Variants in KRR1 observed in about 807,000 individuals in gnomAD.
KRR1 encodes KRR1 small subunit processome component, also known as KRR1 small subunit processome component homolog.
Under a neutral mutation model 50.0 loss-of-function variants are expected in KRR1, and 23 were observed. The observed-to-expected ratio is 0.46, with a 90% CI of 0.33 to 0.65. KRR1 has a LOEUF of 0.65. Ranked by LOEUF, KRR1 falls within the 30% of genes least tolerant of loss-of-function variation. The pLI, the probability that KRR1 is intolerant of heterozygous loss-of-function variation, is 0.02. For missense variants in KRR1, 419 were observed against 442.4 expected, an observed-to-expected ratio of 0.95 and a Z score of 0.47; for synonymous variants, 133 against 146.3, an observed-to-expected ratio of 0.91 and a Z score of 0.66.
Position 75,494,064 on chromosome 12 carries a change from T to C in KRR1, c.*5745A>G, listed in dbSNP as rs1350432800. ...GAAATTGCTATCAGAATTTCTACTA[T>C]ATTACCTTTTTTCCATGGTGTAGAG... On this transcript the variant is annotated 3_prime_UTR_variant, in exon 10 of 10. Transcript: ENST00000229214. 6.6e-5 allele frequency: 10 copies of C among 152,226 alleles called. No individual in the cohort carries two copies. The highest frequency in any genetic ancestry group is 5.9e-4 in the Admixed American group (9 of 15,284). 9.4% of individuals were successfully genotyped at this position (152,226 alleles called of 1,614,324 possible). A position where few individuals can be genotyped will look rare whatever the true frequency, so the allele number is the denominator to read the frequency against.
At position 75,498,946 on chromosome 12, in the gene KRR1, C is replaced by T; in HGVS notation, c.*863G>A. 1 of 1,603,222 alleles carries T rather than the reference C, an allele frequency of 6.2e-7. No homozygotes were observed. The highest frequency in any genetic ancestry group is 8.5e-7 in the Non-Finnish European group (1 of 1,175,032). On this transcript the variant is annotated 3_prime_UTR_variant, in exon 10 of 10. Coordinates refer to ENST00000229214, the MANE Select transcript of KRR1 (RefSeq NM_007043.7). ...TGTTATAATTACCATTTTGGTACAG[C>T]ACAAGTACCCTAATTTAGTTCTTTT...
chr12:75,500,094 G>GTATAAAATAT lies in KRR1; in HGVS notation c.1004-153_1004-144dup, dbSNP rs1202032187. 7.2e-5 allele frequency: 41 copies of GTATAAAATAT among 566,838 alleles called. No individual in the cohort carries two copies. In the Middle Eastern group the frequency reaches 1.9e-3, roughly 27 times the overall value. The allele number at this position is 566,838 out of a possible 1,614,324, so 35.1% of individuals were successfully genotyped here. On this transcript the variant is annotated intron_variant, in intron 9 of 9. Transcript: ENST00000229214. Reference sequence around the variant, plus strand: ...ATTGAATAATTGAAAGGTGATCACAGTATAAAATATAAAAACACTTGCCTA... The same window carrying GTATAAAATAT: ...ATTGAATAATTGAAAGGTGATCACAGTATAAAATATTATAAAATATAAAAACACTTGCCTA...
chr12:75,495,714 C>T lies in KRR1; in HGVS notation c.*4095G>A. 2 of 1,027,598 alleles carry T rather than the reference C, an allele frequency of 1.9e-6. No homozygotes were observed. The highest frequency in any genetic ancestry group is 3.0e-6 in the Non-Finnish European group (2 of 663,996). The allele number at this position is 1,027,598 out of a possible 1,614,324, so 63.7% of individuals were successfully genotyped here. A position where few individuals can be genotyped will look rare whatever the true frequency, so the allele number is the denominator to read the frequency against. ...AGAATAACATAATAGTAACATGTAA[C>T]TTTCTACAGAATTAACAATGAAACC... is the stretch of plus-strand genomic sequence containing the variant. On this transcript the variant is annotated 3_prime_UTR_variant, in exon 10 of 10. Coordinates refer to ENST00000229214, the MANE Select transcript of KRR1 (RefSeq NM_007043.7).
intron 1 of KRR1, among the ~76,000 whole-genome samples, chr12:75,510,491 A>G (rs2046442383): frequency 6.6e-6 from 1 of 152,248 alleles, no homozygotes; most frequent in Non-Finnish European, 1.5e-5. Flanking sequence ...CCTGTTTGAA[A>G]AACAAAAAGC....
chr12:75,506,682 C>CG, intron 3 of KRR1, 73 bp from the exon 4 acceptor site: 1 of 1,549,176 alleles, frequency 6.5e-7, no homozygotes, highest in South Asian at 1.3e-5. Flanking sequence ...TCCAGGCCCA[C>CG]GCTATTGTTA....
In KRR1 at chr12:75,506,377, C is replaced by T. The variant is rs761575297; in HGVS notation, c.542G>A (p.Cys181Tyr). 1 of 1,612,082 alleles carries T rather than the reference C, an allele frequency of 6.2e-7. No homozygotes were observed. Among genetic ancestry groups the T allele is most frequent in the Admixed American group, 1.7e-5 (1 of 59,792 alleles). ...TGTGTTTCCCTGAACCATAATGTAACAATTAGTTAAGAGTTCCAATGCCTG... is the reference window on the plus strand; with the variant it reads ...TGTGTTTCCCTGAACCATAATGTAATAATTAGTTAAGAGTTCCAATGCCTG... ...TLKALELLTN[C>Y]YIMVQGNTVS... Residue 181 changes from cysteine (C) to tyrosine (Y), a missense_variant, in exon 5 of 10, where the codon TGT (cysteine) becomes TAT (tyrosine). By Grantham distance (194) the Cys-to-Tyr change is radical (BLOSUM62 -2). Transcript: ENST00000229214.
chr12:75,511,175 C>T (rs1056162418), intron 1 of KRR1, among the ~76,000 whole-genome samples: 2 of 152,200 alleles, frequency 1.3e-5, no homozygotes, highest in Admixed American at 6.5e-5. Context: ...TCACCCTATT[C>T]CTCATTCCGT....
rs2120632694 is a variant in KRR1 at position 75,508,268 on chromosome 12, A to T, written c.258+6T>A. ...AAATAAATGTATTGATATAAGATAC[A>T]CATACATGTTCATTTAAGGCTTTCT... On this transcript the variant is annotated splice_donor_region_variant and intron_variant, in intron 2 of 9. Transcript: ENST00000229214. The T allele has an allele frequency of 1.9e-6, 3 of 1,595,516 alleles. No homozygotes were observed. Among genetic ancestry groups the T allele is most frequent in the Non-Finnish European group, 2.6e-6 (3 of 1,168,890 alleles).
chr12:75,506,750 A>G, intron 3 of KRR1, 32 bp downstream of exon 3: 1 of 1,595,534 alleles, frequency 6.3e-7, no homozygotes, highest in Non-Finnish European at 8.5e-7. Flanking sequence ...ACTGATGCAA[A>G]CAAAGCAAAG....
intron 3 of KRR1, 22 bp from the exon 4 acceptor site, chr12:75,506,631 A>AC (rs562964328): frequency 6.5e-7 from 1 of 1,550,352 alleles, no homozygotes; most frequent in African/African-American, 1.4e-5. Flanking sequence ...AAAAAAAAAA[A>AC]AAGAAGACAT....
chr12:75,496,951 A>G lies in KRR1; in HGVS notation c.*2858T>C, dbSNP rs2120566138. 1 of 152,358 alleles carries G rather than the reference A, an allele frequency of 6.6e-6. No individual in the cohort carries two copies. The highest frequency in any genetic ancestry group is 2.4e-5 in the African/African-American group (1 of 41,582). 9.4% of individuals were successfully genotyped at this position (152,358 alleles called of 1,614,324 possible). ...TTCACTTATATCACTCTTGTGAAGA[A>G]AAGTAACATGTAGCCACAATGCAGA... is the stretch of plus-strand genomic sequence containing the variant. On this transcript the variant is annotated 3_prime_UTR_variant, in exon 10 of 10. Transcript: ENST00000229214.
chr12:75,503,535 C>T (rs916272324), intron 7 of KRR1: 3 of 156,938 alleles, frequency 1.9e-5, no homozygotes, highest in African/African-American at 7.2e-5. Context: ...GTGGGTGTTA[C>T]AATTTACAAT....
rs902033582 is a variant in KRR1 at position 75,493,192 on chromosome 12, G to A, written c.*6617C>T. On this transcript the variant is annotated 3_prime_UTR_variant, in exon 10 of 10. Coordinates refer to ENST00000229214, the MANE Select transcript of KRR1 (RefSeq NM_007043.7). ...TCATTCAAGTATATTAAGCAGGGGA[G>A]CGATGAGACCTTTAAATTTGGACAT... 12 of 152,192 alleles carry A rather than the reference G, an allele frequency of 7.9e-5. No homozygotes were observed. Among genetic ancestry groups the A allele is most frequent in the African/African-American group, 2.4e-4 (10 of 41,442 alleles). 9.4% of individuals were successfully genotyped at this position (152,192 alleles called of 1,614,324 possible).
At chr12:75,507,346 G>C (rs1428597939) in intron 2 of KRR1, among the ~76,000 whole-genome samples, 2 of 152,082 alleles carry the variant, frequency 1.3e-5, no homozygotes, top group Admixed American at 6.6e-5. Flanking sequence ...CTAATTAGGG[G>C]ACTAAATACA....
chr12:75,500,611 TGA>T (rs1041867969), intron 9 of KRR1: 2 of 152,100 alleles, frequency 1.3e-5, no homozygotes, highest in East Asian at 1.9e-4. Context: ...GACAATAATT[TGA>T]GAGTGTGTGG....
At chr12:75,505,321 T>C (rs1327687436) in intron 5 of KRR1, 67 bp from the exon 6 acceptor site, 1 of 1,454,294 alleles carries the variant, frequency 6.9e-7, no homozygotes, top group Non-Finnish European at 9.2e-7. Flanking sequence ...AGAGGATTAA[T>C]ACTGCAAAAA....
In KRR1 at chr12:75,504,136, G is replaced by T. The variant is rs1211677613; in HGVS notation, c.661-62C>A. On this transcript the variant is annotated intron_variant, in intron 6 of 9. Transcript: ENST00000229214. Reference sequence around the variant, plus strand: ...CAAAGTCACACATTTGTCAGACTCAGACATTATAAATATTGCTTCTATAAA... The same window carrying T: ...CAAAGTCACACATTTGTCAGACTCATACATTATAAATATTGCTTCTATAAA... The T allele has an allele frequency of 3.3e-6, 4 of 1,211,196 alleles. No individual in the cohort carries two copies. In the South Asian group the frequency reaches 4.7e-5, roughly 14 times the overall value. The allele number at this position is 1,211,196 out of a possible 1,614,324, so 75.0% of individuals were successfully genotyped here. A position where few individuals can be genotyped will look rare whatever the true frequency, so the allele number is the denominator to read the frequency against.
At position 75,491,236 on chromosome 12, in the gene KRR1, C is replaced by T. The variant is rs904548997; in HGVS notation, c.*8573G>A. 6.6e-6 allele frequency: 1 copy of T among 152,182 alleles called. No individual in the cohort carries two copies. The highest frequency in any genetic ancestry group is 2.4e-5 in the African/African-American group (1 of 41,444). 9.4% of individuals were successfully genotyped at this position (152,182 alleles called of 1,614,324 possible). On this transcript the variant is annotated 3_prime_UTR_variant, in exon 10 of 10. Coordinates refer to ENST00000229214, the MANE Select transcript of KRR1 (RefSeq NM_007043.7). ...TGTTAAAGTGCTTCACATATATTAA[C>T]TTAATCTTCACCAGAAGTTTATGAG... is the stretch of plus-strand genomic sequence containing the variant.
intron 1 of KRR1, among the ~76,000 whole-genome samples, chr12:75,509,617 CTCGCTCT>C (rs2046437740): frequency 6.7e-6 from 1 of 149,102 alleles, no homozygotes; most frequent in Admixed American, 6.7e-5. Context: ...AAGACAGGGC[CTCGCTCT>C]GTCACCCAGG....
Sources: gnomAD v4.1 joint callset for allele counts (sites outside exome capture counted in the v4.1 genomes callset) on GRCh38, gnomAD v4.1.1 for gene constraint, MANE v1.5 for transcripts, NCBI Gene and HGNC (gene_info 2026-07-23, HGNC 2026-07-21) for gene names.